SLC24A3: variants seen among roughly 807,000 people sequenced by gnomAD.
SLC24A3 encodes solute carrier family 24 member 3.
A neutral mutation model predicts 75.8 loss-of-function variants in SLC24A3; 28 were observed. The ratio of observed to expected loss-of-function variants is 0.37; its 90% CI spans 0.27 to 0.51. SLC24A3 has a LOEUF of 0.51. Among genes scored for constraint, SLC24A3 ranks in the 20% least tolerant of loss-of-function variants. SLC24A3 has a pLI of 0.94. For missense variants in SLC24A3, 663 were observed against 847.8 expected (o/e 0.78, Z 2.71); for synonymous variants, 372 against 334.1 (o/e 1.11, Z -1.24).
intron 2 of SLC24A3, among the ~76,000 whole-genome samples, chr20:19,428,297 A>C (rs1987046622): frequency 1.3e-5 from 2 of 152,172 alleles, no homozygotes; most frequent in African/African-American, 4.8e-5. Context: ...CAGTGTGCTT[A>C]TTGTTTGCTA....
chr20:19,582,079 T>C (rs1368417027), intron 4 of SLC24A3, among the ~76,000 whole-genome samples: 2 of 152,218 alleles, frequency 1.3e-5, no homozygotes, highest in African/African-American at 2.4e-5. Flanking sequence ...CTGTGAATGA[T>C]GGGTGGGCTG....
At chr20:19,583,127 A>G (rs557013033) in intron 4 of SLC24A3, among the ~76,000 whole-genome samples, 13 of 152,276 alleles carry the variant, frequency 8.5e-5, no homozygotes, top group South Asian at 6.2e-4. Context: ...GCTGCAGAGC[A>G]GCTCCAGGGT....
At chr20:19,586,850 T>G (rs1435929670) in intron 6 of SLC24A3, among the ~76,000 whole-genome samples, 1 of 152,226 alleles carries the variant, frequency 6.6e-6, no homozygotes, top group Non-Finnish European at 1.5e-5. Flanking sequence ...GCTCAGCTCC[T>G]TAGACTGAAT....
rs1374609632 is a variant in SLC24A3, at chr20:19,327,885, T to C, written c.271+46798T>C. On this transcript the variant is annotated intron_variant, in intron 2 of 16. Transcript: ENST00000328041. ...ACAAGGAACAAAGAAGGAAAAGTCC[T>C]TCCATGCATGGAGTTTCCATTGGGG... is the stretch of plus-strand genomic sequence containing the variant. 2.0e-5 allele frequency among the ~76,000 whole-genome samples: 3 copies of C among 152,220 alleles called. No individual in the cohort carries two copies. The East Asian group carries it at 5.8e-4, about 29-fold the overall frequency.
At chr20:19,547,799 A>C (rs1212106447) in intron 3 of SLC24A3, among the ~76,000 whole-genome samples, 1 of 152,208 alleles carries the variant, frequency 6.6e-6, no homozygotes, top group Non-Finnish European at 1.5e-5. Flanking sequence ...AGAAAAATTC[A>C]TGATGTCTAA....
chr20:19,298,489 C>T (rs984549918), intron 2 of SLC24A3, among the ~76,000 whole-genome samples: 7 of 152,010 alleles, frequency 4.6e-5, no homozygotes, highest in Non-Finnish European at 2.9e-5. Context: ...TTCTTGTTCC[C>T]CAGAAGCAGA....
intron 2 of SLC24A3, among the ~76,000 whole-genome samples, chr20:19,389,245 A>C (rs1477326140): frequency 6.6e-6 from 1 of 152,170 alleles, no homozygotes; most frequent in African/African-American, 2.4e-5. Context: ...ACTGGAACTA[A>C]AAGTGATTTA....
chr20:19,213,266 G>A (rs13045024), intron 1 of SLC24A3: 17,119 of 213,458 alleles, frequency 0.08, 1,221 homozygotes, highest in African/African-American at 0.22. Context: ...GCGAGCTGGA[G>A]GTACTGCTGG....
chr20:19,696,623 C>T (rs1036718947), intron 13 of SLC24A3, 174 bp from the exon 14 acceptor site: 4 of 503,318 alleles, frequency 7.9e-6, no homozygotes, highest in African/African-American at 3.8e-5. Flanking sequence ...GACCTGCAGC[C>T]CCGGTCGGCA....
At chr20:19,546,158 CAAAAAAAAAAAAAAA>C (rs367781560) in intron 3 of SLC24A3, among the ~76,000 whole-genome samples, 4 of 46,750 alleles carry the variant, frequency 8.6e-5, no homozygotes, top group African/African-American at 2.9e-4. Flanking sequence ...GACTCCGTCT[CAAAAAAAAAAAAAAA>C]AAAAAAAAAA....
Position 19,238,837 on chromosome 20 carries a change from G to A in SLC24A3, c.142+25853G>A, listed in dbSNP as rs189494920. On this transcript the variant is annotated intron_variant, in intron 1 of 16. Coordinates refer to ENST00000328041, the MANE Select transcript of SLC24A3 (RefSeq NM_020689.4). ...GGAGGCTGATTGTTTCCACAATGACGACAATGATCATCAGTATTACTATTG... is the reference window on the plus strand; with the variant it reads ...GGAGGCTGATTGTTTCCACAATGACAACAATGATCATCAGTATTACTATTG... Among the ~76,000 whole-genome samples, 397 of 152,120 alleles carry A rather than the reference G, an allele frequency of 2.6e-3. 1 individual carries two copies. Among genetic ancestry groups the A allele is most frequent in the African/African-American group, 9.0e-3 (375 of 41,496 alleles).
chr20:19,241,224 G>C (rs1384357201), intron 1 of SLC24A3, among the ~76,000 whole-genome samples: 2 of 152,262 alleles, frequency 1.3e-5, no homozygotes, highest in Non-Finnish European at 2.9e-5. Context: ...TTATCCAGAG[G>C]TGTGGGGAGG....
intron 1 of SLC24A3, among the ~76,000 whole-genome samples, chr20:19,247,381 GA>G (rs1982526060): frequency 6.6e-6 from 1 of 152,128 alleles, no homozygotes; most frequent in Non-Finnish European, 1.5e-5. Context: ...AAATTATGAA[GA>G]AAAAAATTTT....
At chr20:19,487,393 C>A (rs1988144801) in intron 2 of SLC24A3, among the ~76,000 whole-genome samples, 1 of 152,098 alleles carries the variant, frequency 6.6e-6, no homozygotes, top group Non-Finnish European at 1.5e-5. Context: ...TTCCATTTTC[C>A]TCCCTGTACC....
intron 2 of SLC24A3, among the ~76,000 whole-genome samples, chr20:19,361,029 G>A (rs547344859): frequency 9.2e-5 from 14 of 152,154 alleles, no homozygotes; most frequent in Middle Eastern, 3.4e-3. Flanking sequence ...GGATTTCACC[G>A]TGTTAGCCAG....
At chr20:19,275,485 T>C (rs1326308703) in intron 1 of SLC24A3, among the ~76,000 whole-genome samples, 2 of 152,056 alleles carry the variant, frequency 1.3e-5, no homozygotes, top group East Asian at 3.9e-4. Flanking sequence ...GGGGCTAGTG[T>C]TTGGGAAGGG....
chr20:19,403,227 G>C (rs537090832), intron 2 of SLC24A3, among the ~76,000 whole-genome samples: 4 of 152,126 alleles, frequency 2.6e-5, no homozygotes, highest in African/African-American at 9.7e-5. Flanking sequence ...AACATCTGAA[G>C]GTACATGGGA....
intron 2 of SLC24A3, among the ~76,000 whole-genome samples, chr20:19,444,236 A>T (rs1987343825): frequency 1.3e-5 from 2 of 152,018 alleles, no homozygotes; most frequent in South Asian, 4.1e-4. Context: ...TGATTTGCTG[A>T]TATTTTGTTG....
intron 2 of SLC24A3, among the ~76,000 whole-genome samples, chr20:19,324,775 G>A (rs556832976): frequency 6.6e-6 from 1 of 152,270 alleles, no homozygotes; most frequent in South Asian, 2.1e-4. Flanking sequence ...CTGAGATTTG[G>A]ATTAATATTG....
Sources: allele counts gnomAD v4.1 joint callset (sites outside exome capture counted in the v4.1 genomes callset), GRCh38; gene constraint gnomAD v4.1.1; transcripts MANE v1.5; gene names NCBI Gene and HGNC (gene_info 2026-07-23, HGNC 2026-07-21).